Variants in LRFN5 observed in about 807,000 individuals in gnomAD.
LRFN5 encodes leucine-rich repeat and fibronectin type-III domain-containing protein 5.
A neutral mutation model predicts 45.6 loss-of-function variants in LRFN5; 24 were observed. The ratio of observed to expected loss-of-function variants is 0.53; its 90% CI spans 0.38 to 0.74. LRFN5 has a LOEUF of 0.74. LRFN5 is among the 30% of genes least tolerant of loss of function. LRFN5 has a pLI of 0.00. For missense variants in LRFN5, 776 were observed against 861.5 expected, an observed-to-expected ratio of 0.90 and a Z score of 1.24; for synonymous variants, 340 against 313.8, an observed-to-expected ratio of 1.08 and a Z score of -0.88.
At chr14:41,860,423 A>G (rs1027316882) in intron 2 of LRFN5, among the ~76,000 whole-genome samples, 17 of 152,166 alleles carry the variant, frequency 1.1e-4, no homozygotes, top group African/African-American at 3.9e-4. Context: ...ATATAAACAA[A>G]AATAAATATA....
chr14:41,703,595 C>G (rs1882926855), intron 1 of LRFN5, among the ~76,000 whole-genome samples: 1 of 151,796 alleles, frequency 6.6e-6, no homozygotes. Context: ...TTTAAAAAGG[C>G]TGCCACACAC....
At chr14:41,637,199 G>A (rs913410964) in intron 1 of LRFN5, among the ~76,000 whole-genome samples, 1 of 152,092 alleles carries the variant, frequency 6.6e-6, no homozygotes, top group African/African-American at 2.4e-5. Context: ...CCAGAGAACT[G>A]TTCTGTAGGA....
At chr14:41,757,727 T>C (rs985331424) in intron 1 of LRFN5, among the ~76,000 whole-genome samples, 1 of 152,194 alleles carries the variant, frequency 6.6e-6, no homozygotes, top group African/African-American at 2.4e-5. Flanking sequence ...TGCCTTGCCC[T>C]GCTTTGGCTC....
intron 2 of LRFN5, among the ~76,000 whole-genome samples, chr14:41,844,589 C>T (rs1008728633): frequency 1.1e-4 from 16 of 151,974 alleles, no homozygotes; most frequent in African/African-American, 3.9e-4. Flanking sequence ...CATCTTTTAC[C>T]ACTTTACACT....
At chr14:41,811,528 TATC>T (rs1161069757) in intron 2 of LRFN5, among the ~76,000 whole-genome samples, 1 of 152,134 alleles carries the variant, frequency 6.6e-6, no homozygotes, top group Admixed American at 6.6e-5. Flanking sequence ...CCCAGGGAAC[TATC>T]AACTGATAAA....
chr14:41,904,109 C>A (rs767454682), intron 5 of LRFN5, 49 bp from the exon 6 acceptor site: 2 of 1,464,670 alleles, frequency 1.4e-6, no homozygotes, highest in African/African-American at 1.4e-5. Context: ...TGTTTTCTTT[C>A]TTTCTTCCTT....
chr14:41,627,439 C>T (rs1331958387), intron 1 of LRFN5, among the ~76,000 whole-genome samples: 1 of 152,036 alleles, frequency 6.6e-6, no homozygotes, highest in African/African-American at 2.4e-5. Context: ...GATAATTAAA[C>T]CATTTTTTGA....
At chr14:41,815,257 T>A (rs1160930397) in intron 2 of LRFN5, among the ~76,000 whole-genome samples, 2 of 152,194 alleles carry the variant, frequency 1.3e-5, no homozygotes, top group Non-Finnish European at 2.9e-5. Context: ...TTGTTATATT[T>A]TTCATGGAGA....
At chr14:41,734,316 T>TTTTATATATATATA (rs1555358693) in intron 1 of LRFN5, among the ~76,000 whole-genome samples, 2 of 38,768 alleles carry the variant, frequency 5.2e-5, no homozygotes, top group Non-Finnish European at 1.4e-4. Flanking sequence ...TGGACTGGTT[T>TTTTATATATATATA]TATATATATA....
intron 1 of LRFN5, among the ~76,000 whole-genome samples, chr14:41,619,433 G>A (rs1005292483): frequency 6.6e-6 from 1 of 151,928 alleles, no homozygotes; most frequent in Admixed American, 6.6e-5. Flanking sequence ...TTTGACTTCA[G>A]TGTTTGTATT....
intron 2 of LRFN5, among the ~76,000 whole-genome samples, chr14:41,846,451 T>C (rs1202495416): frequency 6.6e-6 from 1 of 152,088 alleles, no homozygotes. Flanking sequence ...ACAGCAGGGA[T>C]TAACCTCACA....
intron 2 of LRFN5, among the ~76,000 whole-genome samples, chr14:41,854,593 C>G (rs1247460373): frequency 6.6e-6 from 1 of 152,058 alleles, no homozygotes; most frequent in Non-Finnish European, 1.5e-5. Context: ...AAGCTATGCC[C>G]TTGAGAATTT....
chr14:41,888,060 A>T, intron 3 of LRFN5, 50 bp downstream of exon 3: 2 of 1,411,866 alleles, frequency 1.4e-6, no homozygotes, highest in East Asian at 4.6e-5. Flanking sequence ...CTTAGTGTAG[A>T]ATTTGTTAAT....
intron 2 of LRFN5, among the ~76,000 whole-genome samples, chr14:41,775,140 G>T (rs1444175450): frequency 1.6e-5 from 2 of 122,300 alleles, no homozygotes; most frequent in African/African-American, 6.4e-5. Context: ...TCCCAGGCTG[G>T]AGTGCAGTGG....
rs1491261101 is a variant in LRFN5, at chr14:41,734,313, GTT to G, written c.-196-32538_-196-32537del. Among the ~76,000 whole-genome samples, 69 of 12,466 alleles carry G rather than the reference GTT, an allele frequency of 5.5e-3. 2 individuals are homozygous for G. The highest frequency in any genetic ancestry group is 0.011 in the African/African-American group (66 of 6,146). The allele number at this position is 12,466 out of a possible 152,430, so 8.2% of individuals were successfully genotyped here. On this transcript the variant is annotated intron_variant, in intron 1 of 5. Transcript: ENST00000298119. ...GGCGTGAGCCACCTTTCCTGGACTG[GTT>G]TTATATATATATATATATATATATA... is the stretch of plus-strand genomic sequence containing the variant.
At chr14:41,702,774 T>G (rs943861090) in intron 1 of LRFN5, among the ~76,000 whole-genome samples, 2 of 151,832 alleles carry the variant, frequency 1.3e-5, no homozygotes, top group African/African-American at 4.8e-5. Flanking sequence ...ATGAATGTGT[T>G]TTATAAGCAT....
At chr14:41,800,118 T>C (rs367927275) in intron 2 of LRFN5, among the ~76,000 whole-genome samples, 22 of 152,140 alleles carry the variant, frequency 1.4e-4, no homozygotes, top group African/African-American at 5.1e-4. Context: ...CTTCCAAAAT[T>C]TGACACCTTA....
intron 2 of LRFN5, among the ~76,000 whole-genome samples, chr14:41,836,729 A>C (rs10483521): frequency 0.085 from 12,949 of 152,170 alleles, 1,160 homozygotes; most frequent in East Asian, 0.48. Flanking sequence ...CCTTTTCTTC[A>C]GTATGAGTGT....
intron 4 of LRFN5, among the ~76,000 whole-genome samples, chr14:41,895,689 T>C (rs1890914741): frequency 6.7e-6 from 1 of 150,160 alleles, no homozygotes; most frequent in Non-Finnish European, 1.5e-5. Context: ...ACTCAAACTG[T>C]GGCCAATTTA....
Sources: allele counts gnomAD v4.1 joint callset (sites outside exome capture counted in the v4.1 genomes callset), GRCh38; gene constraint gnomAD v4.1.1; transcripts MANE v1.5; gene names NCBI Gene and HGNC (gene_info 2026-07-23, HGNC 2026-07-21).